Variants in POFUT3 observed in about 807,000 individuals in gnomAD.
POFUT3 encodes the protein GDP-fucose protein O-fucosyltransferase 3.
the POFUT3 span, among the ~76,000 whole-genome samples, chr8:33,359,085 T>C: frequency 6.6e-6 from 1 of 152,072 alleles, no homozygotes; most frequent in African/African-American, 2.4e-5. Flanking sequence ...TCACAGAAGA[T>C]GGAGGGGTGA....
chr8:33,461,169 T>G, the POFUT3 span, among the ~76,000 whole-genome samples: 1 of 95,898 alleles, frequency 1.0e-5, no homozygotes, highest in African/African-American at 4.5e-5. Flanking sequence ...AGTGGTACTG[T>G]GTCGGAAGGA....
the POFUT3 span, among the ~76,000 whole-genome samples, chr8:33,429,770 C>T: frequency 8.6e-5 from 13 of 151,916 alleles, no homozygotes; most frequent in Non-Finnish European, 1.9e-4. Context: ...CCGAGATGGG[C>T]GGATCACTTG....
the POFUT3 span, among the ~76,000 whole-genome samples, chr8:33,336,599 C>T: frequency 6.6e-6 from 1 of 152,118 alleles, no homozygotes; most frequent in Non-Finnish European, 1.5e-5. Context: ...TTGGAGATAA[C>T]ATAAAAAGGT....
the POFUT3 span, among the ~76,000 whole-genome samples, chr8:33,394,903 AT>A: frequency 6.6e-6 from 1 of 152,240 alleles, no homozygotes; most frequent in Non-Finnish European, 1.5e-5. Context: ...ACCCAGGTTC[AT>A]AAAGAGCACA....
the POFUT3 span, among the ~76,000 whole-genome samples, chr8:33,379,993 A>AC: frequency 0.21 from 15,005 of 71,038 alleles, 2,754 homozygotes; most frequent in East Asian, 0.53. Context: ...TATATATAGT[A>AC]TATATATATA....
At chr8:33,425,040 T>C in the POFUT3 span, among the ~76,000 whole-genome samples, 1 of 152,022 alleles carries the variant, frequency 6.6e-6, no homozygotes, top group Non-Finnish European at 1.5e-5. Flanking sequence ...CTCAAAAGTG[T>C]GATGAAATGC....
chr8:33,444,158 G>A, the POFUT3 span, among the ~76,000 whole-genome samples: 1 of 151,860 alleles, frequency 6.6e-6, no homozygotes, highest in African/African-American at 2.4e-5. Context: ...AATACGGCAG[G>A]GGTTTATGTC....
chr8:33,414,966 A>G, the POFUT3 span, among the ~76,000 whole-genome samples: 2 of 147,964 alleles, frequency 1.4e-5, no homozygotes, highest in South Asian at 2.1e-4. Context: ...ACCATAAAGA[A>G]AAAAAAAAAA....
chr8:33,410,261 C>T, the POFUT3 span, among the ~76,000 whole-genome samples: 1 of 152,120 alleles, frequency 6.6e-6, no homozygotes, highest in Non-Finnish European at 1.5e-5. Flanking sequence ...ATCCAGTGAC[C>T]CTTCCAAGGG....
chr8:33,379,323 G>T, the POFUT3 span, among the ~76,000 whole-genome samples: 114 of 151,802 alleles, frequency 7.5e-4, 2 homozygotes, highest in African/African-American at 2.7e-3. Context: ...CAGAAAAGAG[G>T]CATGTCCATT....
At chr8:33,453,000 T>G in the POFUT3 span, 2 of 524,972 alleles carry the variant, frequency 3.8e-6, no homozygotes, top group South Asian at 3.1e-5. Flanking sequence ...GAGATACAGG[T>G]GTTAGAGAAT....
chr8:33,323,527 C>A, the POFUT3 span, among the ~76,000 whole-genome samples: 2 of 152,104 alleles, frequency 1.3e-5, no homozygotes. Flanking sequence ...GAAAGGGGAC[C>A]CTGATATATT....
the POFUT3 span, among the ~76,000 whole-genome samples, chr8:33,334,338 C>T: frequency 6.6e-6 from 1 of 152,282 alleles, no homozygotes; most frequent in African/African-American, 2.4e-5. Context: ...CTGCCTCAGC[C>T]TCCCAAGTAG....
the POFUT3 span, among the ~76,000 whole-genome samples, chr8:33,407,987 C>CAAAA: frequency 4.8e-5 from 4 of 83,732 alleles, no homozygotes; most frequent in African/African-American, 1.3e-4. Flanking sequence ...GACTCCATCT[C>CAAAA]AAAAAAAAAA....
chr8:33,330,448 G>GA, the POFUT3 span, among the ~76,000 whole-genome samples: 1 of 151,962 alleles, frequency 6.6e-6, no homozygotes, highest in East Asian at 1.9e-4. Context: ...CATCCCAAAA[G>GA]AAAAACAACA....
the POFUT3 span, among the ~76,000 whole-genome samples, chr8:33,460,924 A>G: frequency 6.6e-6 from 1 of 152,150 alleles, no homozygotes; most frequent in Non-Finnish European, 1.5e-5. Context: ...AGGCCAAGGC[A>G]GGCAGATCAC....
the POFUT3 span, among the ~76,000 whole-genome samples, chr8:33,460,070 A>C: frequency 1.3e-5 from 2 of 152,122 alleles, no homozygotes; most frequent in African/African-American, 4.8e-5. Context: ...GAAGCCTGTA[A>C]TCCCAGCTAC....
At chr8:33,441,698 A>G in the POFUT3 span, among the ~76,000 whole-genome samples, 1 of 151,950 alleles carries the variant, frequency 6.6e-6, no homozygotes, top group Admixed American at 6.6e-5. Flanking sequence ...AATTTTTGAC[A>G]GCAAAGAAAA....
the POFUT3 span, among the ~76,000 whole-genome samples, chr8:33,309,436 C>T: frequency 6.6e-6 from 1 of 150,834 alleles, no homozygotes; most frequent in African/African-American, 2.4e-5. Context: ...GAAATGAGAG[C>T]TTGGTTGGAG....
Sources: allele counts gnomAD v4.1 joint callset (sites outside exome capture counted in the v4.1 genomes callset), GRCh38; gene constraint gnomAD v4.1.1; transcripts MANE v1.5; gene names NCBI Gene and HGNC (gene_info 2026-07-23, HGNC 2026-07-21).